Variants in CNTN4 observed in about 807,000 individuals in gnomAD.
CNTN4 encodes contactin-4.
A neutral mutation model predicts 122.5 loss-of-function variants in CNTN4; 77 were observed. That is an observed-to-expected ratio of 0.63 (90% CI 0.52 to 0.76). The LOEUF (loss-of-function observed/expected upper bound fraction) is 0.76, where lower values mean the gene tolerates loss of function less well. Ranked by LOEUF, CNTN4 falls within the 30% of genes least tolerant of loss-of-function variation. The probability of loss-of-function intolerance (pLI) is 0.00; values close to 1 mark genes in which losing one functional copy is unlikely to be tolerated. For missense variants in CNTN4, 1,256 were observed against 1,259.1 expected, an observed-to-expected ratio of 1.00 and a Z score of 0.04; for synonymous variants, 512 against 447.0, an observed-to-expected ratio of 1.15 and a Z score of -1.83.
intron 4 of CNTN4, among the ~76,000 whole-genome samples, chr3:2,707,247 A>C (rs2086796280): frequency 6.6e-6 from 1 of 151,926 alleles, no homozygotes; most frequent in Non-Finnish European, 1.5e-5. Flanking sequence ...TTGAGGCTGC[A>C]GTGAGCCGAG....
intron 13 of CNTN4, among the ~76,000 whole-genome samples, chr3:2,932,851 C>T (rs1172564745): frequency 1.4e-5 from 2 of 147,544 alleles, no homozygotes; most frequent in Non-Finnish European, 3.0e-5. Flanking sequence ...GAGACGGAGT[C>T]TCGCTCTGTC....
intron 4 of CNTN4, among the ~76,000 whole-genome samples, chr3:2,619,095 A>G (rs977577306): frequency 1.3e-5 from 2 of 152,244 alleles, no homozygotes; most frequent in African/African-American, 4.8e-5. Context: ...GTATCTCTTC[A>G]TAAAGTGTAA....
intron 2 of CNTN4, among the ~76,000 whole-genome samples, chr3:2,293,472 C>A (rs1169409066): frequency 1.3e-5 from 2 of 152,096 alleles, no homozygotes; most frequent in East Asian, 3.8e-4. Context: ...CTGGCTTTAC[C>A]ACTTACTAAC....
In CNTN4 at chr3:2,589,239, G is replaced by T. The variant is rs147543462; in HGVS notation, c.55+17681G>T. The stretch of plus-strand genomic sequence containing the variant: ...GTGCTGAGTAGTTGCGGCATTAGTA[G>T]TAGGAGATTTGACACAGAAACCATT... On this transcript the variant is annotated intron_variant, in intron 4 of 24. Transcript: ENST00000418658. 7.2e-5 allele frequency among the ~76,000 whole-genome samples: 11 copies of T among 152,300 alleles called. No individual in the cohort carries two copies. In the East Asian group the frequency reaches 1.9e-3, roughly 27 times the overall value.
intron 23 of CNTN4, among the ~76,000 whole-genome samples, chr3:3,053,346 T>C (rs1286925321): frequency 6.6e-6 from 1 of 152,172 alleles, no homozygotes; most frequent in Non-Finnish European, 1.5e-5. Context: ...CCTTGTGCAA[T>C]CTTGAAAACA....
chr3:2,534,374 A>G (rs11719503), intron 3 of CNTN4, among the ~76,000 whole-genome samples: 48,278 of 151,934 alleles, frequency 0.32, 8,498 homozygotes, highest in Non-Finnish European at 0.41. Flanking sequence ...TCCTTTCCCC[A>G]TTTCTTGTTT....
intron 14 of CNTN4, among the ~76,000 whole-genome samples, chr3:3,016,601 G>C (rs972591326): frequency 1.3e-5 from 2 of 152,166 alleles, no homozygotes; most frequent in African/African-American, 4.8e-5. Flanking sequence ...TTGTGACCAA[G>C]TTAGAGACTT....
At chr3:2,786,552 T>C (rs2091840751) in intron 6 of CNTN4, among the ~76,000 whole-genome samples, 1 of 152,174 alleles carries the variant, frequency 6.6e-6, no homozygotes, top group Non-Finnish European at 1.5e-5. Flanking sequence ...CCCATTTCAA[T>C]TTGAGTTTAG....
intron 4 of CNTN4, among the ~76,000 whole-genome samples, chr3:2,630,902 T>C (rs542212596): frequency 4.3e-4 from 66 of 152,276 alleles, no homozygotes; most frequent in African/African-American, 1.5e-3. Context: ...TCAAGTAAAT[T>C]TTCAGTTCAT....
chr3:2,969,517 A>ATTAT (rs1553710718), intron 13 of CNTN4, among the ~76,000 whole-genome samples: 2 of 139,704 alleles, frequency 1.4e-5, no homozygotes, highest in Admixed American at 7.1e-5. Flanking sequence ...GAAAATTGGG[A>ATTAT]TTATTATTAT....
At chr3:2,494,440 G>A (rs551032528) in intron 3 of CNTN4, among the ~76,000 whole-genome samples, 1 of 152,298 alleles carries the variant, frequency 6.6e-6, no homozygotes, top group Admixed American at 6.5e-5. Context: ...AAGAGATGAG[G>A]TCAGCAGAAG....
At chr3:2,885,063 A>G (rs1400175013) in intron 9 of CNTN4, among the ~76,000 whole-genome samples, 1 of 152,238 alleles carries the variant, frequency 6.6e-6, no homozygotes, top group African/African-American at 2.4e-5. Context: ...ACGAACTTAA[A>G]TTCTTCTAAA....
At chr3:2,276,851 G>A (rs374706150) in intron 2 of CNTN4, among the ~76,000 whole-genome samples, 16 of 152,202 alleles carry the variant, frequency 1.1e-4, no homozygotes, top group East Asian at 7.7e-4. Flanking sequence ...GGGAGGCAAA[G>A]GTTGCAGTGA....
chr3:3,009,533 C>A (rs9872766), intron 14 of CNTN4, among the ~76,000 whole-genome samples: 91,907 of 149,658 alleles, frequency 0.61, 28,702 homozygotes, highest in Middle Eastern at 0.72. Context: ...CCCCGGGTTC[C>A]CGCCATTCTC....
intron 3 of CNTN4, among the ~76,000 whole-genome samples, chr3:2,443,148 TAAA>T (rs10576200): frequency 4.4e-4 from 61 of 139,876 alleles, no homozygotes; most frequent in Non-Finnish European, 4.2e-4. Flanking sequence ...AAATAAAAGT[TAAA>T]AAAAAAAAAA....
intron 2 of CNTN4, among the ~76,000 whole-genome samples, chr3:2,315,378 T>C (rs949568213): frequency 2.0e-5 from 3 of 152,060 alleles, no homozygotes; most frequent in African/African-American, 7.2e-5. Flanking sequence ...TTCATCAGTT[T>C]CCCAAACGAG....
chr3:2,608,952 G>A (rs191736270), intron 4 of CNTN4, among the ~76,000 whole-genome samples: 7 of 152,192 alleles, frequency 4.6e-5, no homozygotes, highest in Admixed American at 2.6e-4. Flanking sequence ...TCTATAAAGA[G>A]TCTGGTCTTG....
chr3:2,395,487 G>A (rs1305892871), intron 3 of CNTN4, among the ~76,000 whole-genome samples: 1 of 152,100 alleles, frequency 6.6e-6, no homozygotes, highest in African/African-American at 2.4e-5. Flanking sequence ...CACTGTGCAG[G>A]TTTGTCACAT....
chr3:3,055,124 A>G (rs943741953), intron 24 of CNTN4, among the ~76,000 whole-genome samples: 2 of 152,188 alleles, frequency 1.3e-5, no homozygotes, highest in African/African-American at 2.4e-5. Context: ...CAAACACAAA[A>G]GGCATTTTTG....
Sources: allele counts gnomAD v4.1 joint callset (sites outside exome capture counted in the v4.1 genomes callset), GRCh38; gene constraint gnomAD v4.1.1; transcripts MANE v1.5; gene names NCBI Gene and HGNC (gene_info 2026-07-23, HGNC 2026-07-21).